Variants in IRAG1 observed in about 807,000 individuals in gnomAD.
IRAG1 encodes the protein inositol 1,4,5-triphosphate receptor associated 1.
In IRAG1, 62 loss-of-function variants were observed where a neutral mutation model predicts 106.2. That is an observed-to-expected ratio of 0.58 (90% CI 0.48 to 0.72). The LOEUF (loss-of-function observed/expected upper bound fraction) is 0.72. IRAG1 is among the 30% of genes least tolerant of loss of function. The pLI is 0.00. For missense variants in IRAG1, 1,064 were observed against 1,140.7 expected, an observed-to-expected ratio of 0.93 and a Z score of 0.97; for synonymous variants, 462 against 443.9, an observed-to-expected ratio of 1.04 and a Z score of -0.51.
At chr11:10,581,607 T>G (rs1851402449) in intron 19 of IRAG1, among the ~76,000 whole-genome samples, 1 of 151,848 alleles carries the variant, frequency 6.6e-6, no homozygotes, top group South Asian at 2.1e-4. Context: ...TCCAGACTAT[T>G]CTGAGCGGTG....
At chr11:10,680,692 T>A (rs545868136) in intron 1 of IRAG1, among the ~76,000 whole-genome samples, 2 of 152,246 alleles carry the variant, frequency 1.3e-5, no homozygotes, top group Non-Finnish European at 2.9e-5. Context: ...ATCCCAGCCC[T>A]GCCATGTGAC....
intron 1 of IRAG1, among the ~76,000 whole-genome samples, chr11:10,668,128 A>G (rs1859933078): frequency 6.6e-6 from 1 of 152,040 alleles, no homozygotes; most frequent in East Asian, 1.9e-4. Context: ...GAAAGACCCT[A>G]CTCATCCTTC....
chr11:10,643,896 T>C lies in IRAG1; in HGVS notation c.225+8129A>G, dbSNP rs1589903433. Among the ~76,000 whole-genome samples the C allele has an allele frequency of 4.6e-5, 7 of 152,350 alleles. 1 individual carries two copies. The highest frequency in any genetic ancestry group is 4.6e-4 in the Admixed American group (7 of 15,306). ...AAAGAACAGCAATCTGTTTCATTGCTCACAATAGGAACTAAGGGAAAACAA... is the reference window on the plus strand; with the variant it reads ...AAAGAACAGCAATCTGTTTCATTGCCCACAATAGGAACTAAGGGAAAACAA... On this transcript the variant is annotated intron_variant, in intron 2 of 20. Transcript: ENST00000423302.
intron 10 of IRAG1, among the ~76,000 whole-genome samples, chr11:10,618,854 G>A (rs918521070): frequency 3.3e-5 from 5 of 152,232 alleles, no homozygotes; most frequent in African/African-American, 9.6e-5. Context: ...GGATTCAAGT[G>A]CTCTTCCTAA....
intron 15 of IRAG1, among the ~76,000 whole-genome samples, chr11:10,598,602 G>T (rs1853591785): frequency 6.6e-6 from 1 of 152,152 alleles, no homozygotes; most frequent in African/African-American, 2.4e-5. Flanking sequence ...GCCTATCAAA[G>T]TCATGGATAT....
At chr11:10,649,164 C>T (rs959310978) in intron 2 of IRAG1, among the ~76,000 whole-genome samples, 11 of 152,210 alleles carry the variant, frequency 7.2e-5, no homozygotes, top group South Asian at 2.1e-4. Flanking sequence ...CTCCCGAGGC[C>T]GTGACTACCT....
chr11:10,667,531 T>C (rs1859880972), intron 1 of IRAG1, among the ~76,000 whole-genome samples: 1 of 152,070 alleles, frequency 6.6e-6, no homozygotes, highest in African/African-American at 2.4e-5. Flanking sequence ...TCCCTACTCA[T>C]AAAAATCTAG....
Position 10,593,528 on chromosome 11 carries a change from A to G in IRAG1, c.2139T>C (p.Thr713=), listed in dbSNP as rs1297987258. ...AGGAGGGAATGGATGATGAGCTGGG[A>G]GTTTGGCCAGGCAGATTCAGGGCAT... ...KFNALNLPGQ[T]PSSSSIPSLP... Residue 713 remains threonine (T), a synonymous_variant, in exon 17 of 21, where the codon ACT becomes ACC. Transcript: ENST00000423302. The G allele has an allele frequency of 6.2e-7, 1 of 1,613,756 alleles. No homozygotes were observed. The highest frequency in any genetic ancestry group is 8.5e-7 in the Non-Finnish European group (1 of 1,179,740).
At position 10,628,605 on chromosome 11, in the gene IRAG1, A is replaced by C; in HGVS notation, c.652+146T>G. The C allele has an allele frequency of 1.5e-6, 1 of 664,240 alleles. No individual in the cohort carries two copies. The highest frequency in any genetic ancestry group is 2.4e-6 in the Non-Finnish European group (1 of 410,514). The allele number at this position is 664,240 out of a possible 1,614,324, so 41.1% of individuals were successfully genotyped here. On this transcript the variant is annotated intron_variant, in intron 6 of 20. Transcript: ENST00000423302. The surrounding 1 kb of genome is among the most constrained non-coding windows in gnomAD (Gnocchi z 4.1). ...GTGGCCCAGCAAATGCCCCCCCTGG[A>C]GAGGGGTCTTGCTCTGGGTGTGAAG... is the stretch of plus-strand genomic sequence containing the variant.
intron 1 of IRAG1, among the ~76,000 whole-genome samples, chr11:10,652,701 T>C (rs1858619972): frequency 6.6e-6 from 1 of 152,152 alleles, no homozygotes; most frequent in Non-Finnish European, 1.5e-5. Flanking sequence ...ACCCAGATCT[T>C]CCTGATTTTG....
chr11:10,598,096 A>AG (rs1280541021), intron 15 of IRAG1, among the ~76,000 whole-genome samples: 4 of 152,088 alleles, frequency 2.6e-5, no homozygotes, highest in African/African-American at 9.7e-5. Flanking sequence ...ATTCCATCTG[A>AG]GGATATAGTC....
chr11:10,593,629 G>A (rs371992142), intron 16 of IRAG1, 30 bp from the exon 17 acceptor site: 851 of 1,527,674 alleles, frequency 5.6e-4, no homozygotes, highest in Non-Finnish European at 7.0e-4. Flanking sequence ...CAGGCTCACT[G>A]TCTTGGAGGT....
chr11:10,653,423 C>T (rs1274598228), intron 1 of IRAG1, among the ~76,000 whole-genome samples: 1 of 152,202 alleles, frequency 6.6e-6, no homozygotes. Flanking sequence ...CTCTTTCGTG[C>T]TTCTTGTCTG....
chr11:10,651,735 C>T (rs931339874), intron 2 of IRAG1, among the ~76,000 whole-genome samples: 5 of 152,208 alleles, frequency 3.3e-5, no homozygotes, highest in Non-Finnish European at 7.3e-5. Context: ...AGTCCTTCTC[C>T]GGTTTCAGAG....
intron 1 of IRAG1, among the ~76,000 whole-genome samples, chr11:10,676,396 G>A (rs1036153845): frequency 2.0e-5 from 3 of 152,208 alleles, no homozygotes; most frequent in African/African-American, 7.2e-5. Flanking sequence ...GGCGACAGCA[G>A]CACATCCATC....
chr11:10,648,034 T>C (rs1415258930), intron 2 of IRAG1, among the ~76,000 whole-genome samples: 11 of 152,106 alleles, frequency 7.2e-5, no homozygotes, highest in Non-Finnish European at 1.3e-4. Flanking sequence ...CAGGCTTCCT[T>C]GGGAGGCGGT....
At chr11:10,688,341 C>G (rs78219194) in intron 1 of IRAG1, among the ~76,000 whole-genome samples, 16 of 152,296 alleles carry the variant, frequency 1.1e-4, no homozygotes, top group African/African-American at 3.8e-4. Context: ...CTGGCCAACA[C>G]TGAGCCCACC....
At chr11:10,602,947 G>C (rs80350212) in intron 14 of IRAG1, among the ~76,000 whole-genome samples, 173 bp downstream of exon 14, 5,618 of 152,154 alleles carry the variant, frequency 0.037, 220 homozygotes, top group African/African-American at 0.091. Context: ...GCACCTTGAG[G>C]GTTCAGTGAT....
In IRAG1 at chr11:10,628,102, C is replaced by T; in HGVS notation, c.653-77G>A. On this transcript the variant is annotated intron_variant, in intron 6 of 20. Transcript: ENST00000423302. This position sits in a 1 kb window ranked among gnomAD's most constrained non-coding sequence, Gnocchi z 4.1. ...CTGTGCTTTCAGCCACATCTCCCTCCCCGGGCTATCCTCCCTTTGCAATCT... is the reference window on the plus strand; with the variant it reads ...CTGTGCTTTCAGCCACATCTCCCTCTCCGGGCTATCCTCCCTTTGCAATCT... 6.8e-7 allele frequency: 1 copy of T among 1,481,098 alleles called. No homozygotes were observed. The allele number at this position is 1,481,098 out of a possible 1,614,324, so 91.7% of individuals were successfully genotyped here.
Sources: gnomAD v4.1 joint callset for allele counts (sites outside exome capture counted in the v4.1 genomes callset) on GRCh38, gnomAD v4.1.1 for gene constraint, Gnocchi (gnomAD v3.1) non-coding constraint, MANE v1.5 for transcripts, NCBI Gene and HGNC (gene_info 2026-07-23, HGNC 2026-07-21) for gene names.